Variants in LYRM4 observed in about 807,000 individuals in gnomAD.
LYRM4 encodes LYR motif-containing protein 4.
LYRM4 carries 9 observed loss-of-function variants against 11.7 expected under a neutral mutation model. The observed-to-expected ratio is 0.77, with a 90% CI of 0.46 to 1.34. LYRM4 has a LOEUF of 1.34. LYRM4 is among the 40% of genes most tolerant of loss of function. The probability of loss-of-function intolerance (pLI) is 0.00; values close to 1 mark genes in which losing one functional copy is unlikely to be tolerated. For missense variants in LYRM4, 133 were observed against 112.5 expected (o/e 1.18, Z -0.82); for synonymous variants, 42 against 40.4 (o/e 1.04, Z -0.15).
the LYRM4 span, among the ~76,000 whole-genome samples, chr6:5,046,861 G>A: frequency 6.6e-6 from 1 of 152,180 alleles, no homozygotes; most frequent in Non-Finnish European, 1.5e-5. Flanking sequence ...AGGCCAAGAA[G>A]GGTGGATCGC....
rs374699209 is a variant in LYRM4 at position 5,127,476 on chromosome 6, G to A, written c.208-17985C>T. Among the ~76,000 whole-genome samples, 75 of 152,200 alleles carry A rather than the reference G, an allele frequency of 4.9e-4. 1 individual carries two copies. In the Middle Eastern group the frequency reaches 0.01, roughly 21 times the overall value. On this transcript the variant is annotated intron_variant, in intron 2 of 2. Transcript: ENST00000330636. The stretch of plus-strand genomic sequence containing the variant: ...AGGTTAAAAAGTCACTAAATATTTC[G>A]CAATTACAGCCCCAATACTGTCTAG...
the LYRM4 span, among the ~76,000 whole-genome samples, chr6:5,090,925 G>A: frequency 6.6e-6 from 1 of 152,338 alleles, no homozygotes; most frequent in Middle Eastern, 3.4e-3. This position sits in a 1 kb window ranked among gnomAD's most constrained non-coding sequence, Gnocchi z 4.8. Flanking sequence ...GGGGCAGAGT[G>A]ATTGGTGCCA....
At chr6:5,161,610 A>C (rs1010849721) in intron 2 of LYRM4, among the ~76,000 whole-genome samples, 2 of 152,244 alleles carry the variant, frequency 1.3e-5, no homozygotes, top group Non-Finnish European at 2.9e-5. Context: ...TGAAATATGT[A>C]AATATCTCAG....
At chr6:5,095,588 G>A in the LYRM4 span, among the ~76,000 whole-genome samples, 4 of 152,196 alleles carry the variant, frequency 2.6e-5, no homozygotes, top group African/African-American at 9.7e-5. Flanking sequence ...TTAGGTTACA[G>A]TTCACTATGT....
At chr6:5,183,189 T>TGG (rs1487363461) in intron 2 of LYRM4, among the ~76,000 whole-genome samples, 1 of 152,180 alleles carries the variant, frequency 6.6e-6, no homozygotes, top group Non-Finnish European at 1.5e-5. Flanking sequence ...CTAGAGCTTA[T>TGG]GGGGACATGG....
the LYRM4 span, among the ~76,000 whole-genome samples, chr6:5,073,451 A>G: frequency 6.7e-6 from 1 of 149,470 alleles, no homozygotes; most frequent in East Asian, 1.9e-4. Context: ...GGGTCACACT[A>G]TGTGTATATA....
At chr6:5,248,188 T>C (rs1342569603) in intron 1 of LYRM4, among the ~76,000 whole-genome samples, 1 of 152,240 alleles carries the variant, frequency 6.6e-6, no homozygotes, top group Admixed American at 6.5e-5. Context: ...TTTGATTTGT[T>C]CTCTCTAATC....
intron 2 of LYRM4, among the ~76,000 whole-genome samples, chr6:5,188,413 G>A (rs1383027356): frequency 3.3e-5 from 5 of 152,030 alleles, no homozygotes; most frequent in African/African-American, 7.3e-5. Context: ...ATTAAAAAAT[G>A]GTAAGTAAAC....
chr6:5,222,252 A>G (rs1762623594), intron 1 of LYRM4, among the ~76,000 whole-genome samples: 1 of 152,248 alleles, frequency 6.6e-6, no homozygotes, highest in Non-Finnish European at 1.5e-5. Flanking sequence ...CATAGGCAAT[A>G]TCAAAAAGAC....
At chr6:5,085,697 A>G in the LYRM4 span, 1 of 1,547,850 alleles carries the variant, frequency 6.5e-7, no homozygotes, top group African/African-American at 1.4e-5. Flanking sequence ...CAGGAGCAGG[A>G]GGAGCTGCTG....
At chr6:5,171,411 A>C (rs1429958969) in intron 2 of LYRM4, among the ~76,000 whole-genome samples, 1 of 152,226 alleles carries the variant, frequency 6.6e-6, no homozygotes, top group Non-Finnish European at 1.5e-5. Context: ...TCAGCATCTA[A>C]CATTTGGAAG....
chr6:5,185,344 G>A (rs1013749946), intron 2 of LYRM4, among the ~76,000 whole-genome samples: 5 of 152,188 alleles, frequency 3.3e-5, no homozygotes, highest in African/African-American at 4.8e-5. Context: ...CAGTTAAGAC[G>A]GCTGGAAAGG....
chr6:5,104,151 C>T (rs1417584712), downstream of LYRM4: 1 of 152,508 alleles, frequency 6.6e-6, no homozygotes, highest in Non-Finnish European at 1.5e-5. Context: ...AGAGAATCTC[C>T]CCCCACCAGC....
intron 2 of LYRM4, among the ~76,000 whole-genome samples, chr6:5,161,945 A>C (rs1758782868): frequency 6.6e-6 from 1 of 152,120 alleles, no homozygotes; most frequent in African/African-American, 2.4e-5. Flanking sequence ...CTCTTTAGGA[A>C]ATCTGTGAGC....
At chr6:5,061,868 T>A in the LYRM4 span, among the ~76,000 whole-genome samples, 1 of 152,196 alleles carries the variant, frequency 6.6e-6, no homozygotes, top group Non-Finnish European at 1.5e-5. Flanking sequence ...ATGCCATAAT[T>A]GAGAATGTTA....
At chr6:5,116,825 T>C (rs1363294588) in intron 2 of LYRM4, among the ~76,000 whole-genome samples, 5 of 152,142 alleles carry the variant, frequency 3.3e-5, no homozygotes, top group Non-Finnish European at 7.4e-5. Context: ...ATTAGACAAA[T>C]AACCTGCAGG....
chr6:5,053,978 G>A, the LYRM4 span: 1 of 203,386 alleles, frequency 4.9e-6, no homozygotes, highest in Non-Finnish European at 8.7e-6. Context: ...CAAATTCTGA[G>A]AGTAACACCT....
the LYRM4 span, among the ~76,000 whole-genome samples, chr6:5,057,583 A>G: frequency 1.6e-3 from 245 of 152,000 alleles, no homozygotes; most frequent in African/African-American, 5.5e-3. Context: ...GCCAGGTATG[A>G]TGGCGCCTGT....
intron 1 of LYRM4, among the ~76,000 whole-genome samples, chr6:5,235,111 T>C (rs1361240671): frequency 1.3e-5 from 2 of 152,190 alleles, no homozygotes; most frequent in Non-Finnish European, 2.9e-5. Flanking sequence ...GGACCTGCTA[T>C]GCTTTGCACA....
Sources: gnomAD v4.1 joint callset for allele counts (sites outside exome capture counted in the v4.1 genomes callset) on GRCh38, gnomAD v4.1.1 for gene constraint, Gnocchi (gnomAD v3.1) non-coding constraint, MANE v1.5 for transcripts, NCBI Gene and HGNC (gene_info 2026-07-23, HGNC 2026-07-21) for gene names.